AFG2A: variants seen among roughly 807,000 people sequenced by gnomAD.
The protein encoded by AFG2A is ATPase family gene 2 protein homolog A.
the AFG2A span, among the ~76,000 whole-genome samples, chr4:123,312,647 T>G: frequency 6.6e-6 from 1 of 152,260 alleles, no homozygotes; most frequent in Non-Finnish European, 1.5e-5. Flanking sequence ...TACTAATCCC[T>G]TGAAGTTTTG....
chr4:122,983,635 T>A, the AFG2A span, among the ~76,000 whole-genome samples: 1,843 of 152,344 alleles, frequency 0.012, 43 homozygotes, highest in African/African-American at 0.041. Context: ...CCTGTTATTC[T>A]TTTCTGGTTT....
At chr4:123,280,471 C>T in the AFG2A span, among the ~76,000 whole-genome samples, 1 of 152,172 alleles carries the variant, frequency 6.6e-6, no homozygotes. Context: ...GTTCTGGAAG[C>T]CAGAAATCTG....
the AFG2A span, among the ~76,000 whole-genome samples, chr4:123,163,617 C>G: frequency 6.6e-6 from 1 of 152,142 alleles, no homozygotes; most frequent in South Asian, 2.1e-4. Flanking sequence ...CACTTATGAC[C>G]TCTTAACATG....
At chr4:123,036,171 C>T in the AFG2A span, among the ~76,000 whole-genome samples, 2 of 152,222 alleles carry the variant, frequency 1.3e-5, no homozygotes, top group South Asian at 2.1e-4. Flanking sequence ...ATGGGCTCCT[C>T]GTTATGTATC....
At chr4:123,113,395 C>CAGTT in the AFG2A span, among the ~76,000 whole-genome samples, 137,819 of 151,890 alleles carry the variant, frequency 0.91, 62,766 homozygotes, top group East Asian at 0.98. Context: ...TCTGTACTGT[C>CAGTT]AGAGCCTTTG....
the AFG2A span, among the ~76,000 whole-genome samples, chr4:123,280,406 T>C: frequency 6.6e-6 from 1 of 152,212 alleles, no homozygotes; most frequent in East Asian, 1.9e-4. Flanking sequence ...CTATCCCTGC[T>C]GTAACAAATT....
chr4:123,246,133 G>C, the AFG2A span, among the ~76,000 whole-genome samples: 1 of 152,190 alleles, frequency 6.6e-6, no homozygotes, highest in African/African-American at 2.4e-5. Context: ...GAATAATTAC[G>C]AATCTATTTA....
chr4:123,099,043 C>T, the AFG2A span, among the ~76,000 whole-genome samples: 3 of 151,806 alleles, frequency 2.0e-5, no homozygotes, highest in Non-Finnish European at 4.4e-5. Context: ...ATGTTTTTGA[C>T]AATAGCTATT....
the AFG2A span, among the ~76,000 whole-genome samples, chr4:123,222,262 A>G: frequency 6.6e-6 from 1 of 152,212 alleles, no homozygotes; most frequent in Non-Finnish European, 1.5e-5. Flanking sequence ...TTTCTCACTC[A>G]TAACACTTTC....
chr4:123,029,724 A>G, the AFG2A span, among the ~76,000 whole-genome samples: 2 of 151,864 alleles, frequency 1.3e-5, no homozygotes, highest in African/African-American at 4.8e-5. Context: ...TGTAACCTCA[A>G]ATTCCTGGGC....
the AFG2A span, among the ~76,000 whole-genome samples, chr4:122,926,264 T>C: frequency 6.6e-6 from 1 of 152,140 alleles, no homozygotes; most frequent in Non-Finnish European, 1.5e-5. Flanking sequence ...TGTGTGGTAA[T>C]TGTCAAGAGG....
chr4:123,228,242 G>A, the AFG2A span, among the ~76,000 whole-genome samples: 16 of 152,028 alleles, frequency 1.1e-4, no homozygotes, highest in Admixed American at 9.2e-4. Flanking sequence ...ATTGTTATGT[G>A]TGAATTTGAT....
At chr4:123,132,173 TAC>T in the AFG2A span, among the ~76,000 whole-genome samples, 1 of 152,210 alleles carries the variant, frequency 6.6e-6, no homozygotes, top group Non-Finnish European at 1.5e-5. Context: ...GATGTTTATA[TAC>T]ACAGACACAT....
At chr4:123,144,761 A>C in the AFG2A span, among the ~76,000 whole-genome samples, 9 of 152,058 alleles carry the variant, frequency 5.9e-5, no homozygotes, top group Non-Finnish European at 1.3e-4. Flanking sequence ...GTGTTGTAAA[A>C]TTTTCAGAGT....
At chr4:123,020,432 G>A in the AFG2A span, among the ~76,000 whole-genome samples, 4 of 150,798 alleles carry the variant, frequency 2.7e-5, no homozygotes, top group South Asian at 2.1e-4. Context: ...TCAATGGCGC[G>A]ATCTCGGCTC....
the AFG2A span, among the ~76,000 whole-genome samples, chr4:123,036,480 A>T: frequency 6.6e-6 from 1 of 152,222 alleles, no homozygotes; most frequent in Non-Finnish European, 1.5e-5. Flanking sequence ...GTAGCTCAAG[A>T]GGATGATTAT....
the AFG2A span, among the ~76,000 whole-genome samples, chr4:122,955,804 A>G: frequency 1.3e-5 from 2 of 152,360 alleles, no homozygotes; most frequent in African/African-American, 4.8e-5. Context: ...GGCAAATACA[A>G]ACATTCTTTT....
the AFG2A span, among the ~76,000 whole-genome samples, chr4:123,268,469 T>G: frequency 6.6e-6 from 1 of 152,214 alleles, no homozygotes; most frequent in African/African-American, 2.4e-5. Context: ...TCAAGACTTC[T>G]TTCCAAGATT....
At chr4:123,269,706 G>T in the AFG2A span, among the ~76,000 whole-genome samples, 1 of 152,152 alleles carries the variant, frequency 6.6e-6, no homozygotes, top group African/African-American at 2.4e-5. Context: ...CTGTACTTTG[G>T]GTGGGGGAAC....
Sources: gnomAD v4.1 joint callset for allele counts (sites outside exome capture counted in the v4.1 genomes callset) on GRCh38, gnomAD v4.1.1 for gene constraint, MANE v1.5 for transcripts, NCBI Gene and HGNC (gene_info 2026-07-23, HGNC 2026-07-21) for gene names.